Variants in AFF2 observed in about 807,000 individuals in gnomAD.
AFF2 encodes ALF transcription elongation factor 2.
In AFF2, 14 loss-of-function variants were observed where a neutral mutation model predicts 76.9. The observed-to-expected ratio is 0.18, with a 90% CI of 0.12 to 0.28. The LOEUF is 0.28. Among genes scored for constraint, AFF2 ranks in the 10% least tolerant of loss-of-function variants. The pLI, the probability that AFF2 is intolerant of heterozygous loss-of-function variation, is 1.00. For synonymous variants in AFF2, 398 were observed against 366.7 expected (o/e 1.09, Z -0.98); for missense variants, 868 against 1,001.1 (o/e 0.87, Z 1.79).
At chrX:148,551,482 G>GAA (rs781883999) in intron 1 of AFF2, among the ~76,000 whole-genome samples, 404 of 37,973 alleles carry the variant, frequency 0.011, 9 homozygotes, top group African/African-American at 0.032. Context: ...GCTGGGAAGT[G>GAA]AAAAAAAAAA....
rs1557292285 is a variant in AFF2 at position 148,991,525 on chromosome X, A to G, written c.*193A>G. ...ACAACTTAAGGGCAGTGTACGTTTT[A>G]TTACTTAGTCATTTTTTTTCTTTTA... On this transcript the variant is annotated 3_prime_UTR_variant, in exon 21 of 21. Transcript: ENST00000370460. The G allele has an allele frequency of 2.0e-5, 8 of 398,501 alleles. No homozygotes were observed. The highest frequency in any genetic ancestry group is 2.7e-5 in the Non-Finnish European group (7 of 261,704). The allele number at this position is 398,501 out of a possible 1,213,427, so 32.8% of individuals were successfully genotyped here. A position where few individuals can be genotyped will look rare whatever the true frequency, so the allele number is the denominator to read the frequency against.
rs1557288789 is a variant in AFF2 at position 148,966,826 on chromosome X, A to G, written c.2950A>G (p.Ile984Val). 1.7e-6 allele frequency: 2 copies of G among 1,211,499 alleles called. No individual in the cohort carries two copies. Among genetic ancestry groups the G allele is most frequent in the South Asian group, 3.5e-5 (2 of 56,965 alleles). The change falls in exon 14 of 21, where the codon ATC (isoleucine) becomes GTC (valine). Residue 984 changes from isoleucine (I) to valine (V), a missense_variant. Transcript: ENST00000370460. ...DTPKKASSATITVTNTAIATA... is the reference protein window; with the variant it reads ...DTPKKASSATVTVTNTAIATA... Reference sequence around the variant, plus strand: ...TCCAAAAAAGGCATCCTCTGCCACCATCACTGTCACCAATACTGCTATTGC... The same window carrying G: ...TCCAAAAAAGGCATCCTCTGCCACCGTCACTGTCACCAATACTGCTATTGC...
intron 3 of AFF2, among the ~76,000 whole-genome samples, chrX:148,765,860 C>A (rs1603296947): frequency 2.8e-5 from 2 of 70,883 alleles, no homozygotes; most frequent in East Asian, 5.9e-4. Flanking sequence ...CCCCCTCCCC[C>A]CACCCCACAA....
intron 3 of AFF2, among the ~76,000 whole-genome samples, chrX:148,735,828 T>G (rs1055416001): frequency 4.5e-5 from 5 of 111,536 alleles, no homozygotes; most frequent in Non-Finnish European, 1.9e-5. Context: ...CTTTGTGTCC[T>G]CATAGTTTAG....
At chrX:148,909,777 A>G (rs1408563214) in intron 9 of AFF2, among the ~76,000 whole-genome samples, 2 of 112,049 alleles carry the variant, frequency 1.8e-5, no homozygotes, top group African/African-American at 6.5e-5. Flanking sequence ...AGTATGTTCA[A>G]ATTATGGCTC....
chrX:148,505,400 A>G (rs781792386), intron 1 of AFF2, among the ~76,000 whole-genome samples: 26 of 112,348 alleles, frequency 2.3e-4, no homozygotes, highest in Non-Finnish European at 3.6e-4. Flanking sequence ...GCATTTAACA[A>G]CTTTAAAATA....
At chrX:148,765,132 C>T (rs1047534614) in intron 3 of AFF2, among the ~76,000 whole-genome samples, 9 of 112,091 alleles carry the variant, frequency 8.0e-5, no homozygotes, top group South Asian at 3.7e-4. Context: ...GCGATCCTCA[C>T]GCCTCGACCT....
Position 148,992,923 on chromosome X carries a change from A to G in AFF2, c.*1591A>G, listed in dbSNP as rs992844878. The G allele has an allele frequency of 8.9e-6, 1 of 112,801 alleles. No homozygotes were observed. Among genetic ancestry groups the G allele is most frequent in the Non-Finnish European group, 1.9e-5 (1 of 53,345 alleles). The allele number at this position is 112,801 out of a possible 1,213,427, so 9.3% of individuals were successfully genotyped here. A position where few individuals can be genotyped will look rare whatever the true frequency, so the allele number is the denominator to read the frequency against. On this transcript the variant is annotated 3_prime_UTR_variant, in exon 21 of 21. Transcript: ENST00000370460. ...CTGGGTTATCAAATTCTGTTCACTG[A>G]GTTATGACCAGATAAATAATAGATA...
chrX:148,975,046 G>T (rs5936461), intron 16 of AFF2, among the ~76,000 whole-genome samples: 1 of 110,928 alleles, frequency 9.0e-6, no homozygotes, highest in East Asian at 2.8e-4. Flanking sequence ...ACAAGAAAAC[G>T]TAACAATGAT....
At chrX:148,668,792 G>C (rs782530091) in intron 3 of AFF2, among the ~76,000 whole-genome samples, 2 of 112,377 alleles carry the variant, frequency 1.8e-5, no homozygotes, top group Non-Finnish European at 1.9e-5. Context: ...CTGCTGTGAA[G>C]ACCTCTGACA....
At chrX:148,933,696 G>C (rs147180746) in intron 9 of AFF2, among the ~76,000 whole-genome samples, 1,528 of 112,037 alleles carry the variant, frequency 0.014, 27 homozygotes, top group African/African-American at 0.047. Context: ...TGAGCACTTG[G>C]AAAGGTGGTA....
intron 3 of AFF2, among the ~76,000 whole-genome samples, chrX:148,700,987 A>G (rs1283887201): frequency 8.3e-5 from 7 of 84,384 alleles, no homozygotes; most frequent in Non-Finnish European, 1.6e-4. Context: ...GTATGATGGG[A>G]GAGAGAGAGA....
intron 1 of AFF2, among the ~76,000 whole-genome samples, chrX:148,586,069 G>A (rs187014777): frequency 6.3e-5 from 7 of 110,393 alleles, no homozygotes; most frequent in East Asian, 2.9e-4. Context: ...TCTGCCTCTC[G>A]CCAACCCTGT....
At chrX:148,892,205 G>A (rs1557279813) in intron 8 of AFF2, among the ~76,000 whole-genome samples, 4 of 111,808 alleles carry the variant, frequency 3.6e-5, no homozygotes, top group African/African-American at 6.5e-5. Flanking sequence ...TTAATTGAAA[G>A]CATATTAATT....
intron 1 of AFF2, among the ~76,000 whole-genome samples, chrX:148,516,138 G>A (rs1439998394): frequency 9.0e-6 from 1 of 111,205 alleles, no homozygotes; most frequent in Non-Finnish European, 1.9e-5. Flanking sequence ...GCCTATCTGT[G>A]TTCGCTGTGT....
At chrX:148,632,965 G>A (rs782053196) in intron 1 of AFF2, among the ~76,000 whole-genome samples, 2 of 111,828 alleles carry the variant, frequency 1.8e-5, no homozygotes, top group South Asian at 3.8e-4. Context: ...GTGGTTACCT[G>A]AGATTGATCT....
intron 1 of AFF2, among the ~76,000 whole-genome samples, chrX:148,546,414 C>T (rs2052921457): frequency 8.9e-6 from 1 of 112,207 alleles, no homozygotes; most frequent in Non-Finnish European, 1.9e-5. Flanking sequence ...TGCATGCACA[C>T]ACACTACCAA....
In AFF2 at chrX:148,837,729, G is replaced by C. The variant is rs781832764; in HGVS notation, c.1169G>C (p.Gly390Ala). Reference protein sequence around the residue: ...HSEQSTFSIPGQESQHLTPGF... With the variant: ...HSEQSTFSIPAQESQHLTPGF... ...GAGCAGAGCACCTTTTCCATCCCAGGACAGGTCAGTTCTCTTCCTTCCTGC... is the reference window on the plus strand; with the variant it reads ...GAGCAGAGCACCTTTTCCATCCCAGCACAGGTCAGTTCTCTTCCTTCCTGC... The change falls in exon 5 of 21, where the codon GGA becomes GCA. Residue 390 changes from glycine (G) to alanine (A), a missense_variant. This residue lies in a region of AFF2 where 532 missense variants were observed against 564.2 expected (regional missense o/e 0.94). Transcript: ENST00000370460. The C allele has an allele frequency of 5.2e-5, 61 of 1,164,367 alleles. No homozygotes were observed. The highest frequency in any genetic ancestry group is 6.9e-5 in the Non-Finnish European group (59 of 856,369).
intron 3 of AFF2, among the ~76,000 whole-genome samples, chrX:148,681,195 A>C (rs1306061034): frequency 1.8e-5 from 2 of 111,603 alleles, no homozygotes; most frequent in Non-Finnish European, 3.8e-5. Context: ...TACTTACTTG[A>C]GATTATTTTA....
Sources: allele counts gnomAD v4.1 joint callset (sites outside exome capture counted in the v4.1 genomes callset), GRCh38; gene constraint gnomAD v4.1.1; regional missense constraint gnomAD v4.1.1; transcripts MANE v1.5; gene names NCBI Gene and HGNC (gene_info 2026-07-23, HGNC 2026-07-21).